GABRA2: variants seen among roughly 807,000 people sequenced by gnomAD.
GABRA2 encodes gamma-aminobutyric acid receptor subunit alpha-2.
A neutral mutation model predicts 48.7 loss-of-function variants in GABRA2; 16 were observed. The ratio of observed to expected loss-of-function variants is 0.33; its 90% CI spans 0.22 to 0.50. The LOEUF is 0.50. GABRA2 is among the 20% of genes least tolerant of loss of function. The pLI, the probability that GABRA2 is intolerant of heterozygous loss-of-function variation, is 0.98. For missense variants in GABRA2, 275 were observed against 535.6 expected (o/e 0.51, Z 4.80); for synonymous variants, 185 against 184.5 (o/e 1.00, Z -0.02).
chr4:46,346,582 GTATTA>G (rs2109881236), intron 3 of GABRA2, among the ~76,000 whole-genome samples: 1 of 148,702 alleles, frequency 6.7e-6, no homozygotes, highest in Admixed American at 6.7e-5. Context: ...GCATATTTAT[GTATTA>G]TATTTATTAT....
intron 8 of GABRA2, among the ~76,000 whole-genome samples, chr4:46,302,267 C>T (rs1299509047): frequency 6.6e-6 from 1 of 151,950 alleles, no homozygotes; most frequent in South Asian, 2.1e-4. Context: ...TGCTATATTG[C>T]CCAGACTGGT....
intron 9 of GABRA2, among the ~76,000 whole-genome samples, chr4:46,258,495 C>T (rs570290190): frequency 3.6e-4 from 55 of 151,810 alleles, no homozygotes. Context: ...CAAGCATTGT[C>T]AGTAAAACCC....
intron 3 of GABRA2, among the ~76,000 whole-genome samples, chr4:46,383,494 T>C (rs554721954): frequency 6.6e-6 from 1 of 152,326 alleles, no homozygotes; most frequent in East Asian, 1.9e-4. Flanking sequence ...GACCACAATA[T>C]GCAAATCAAT....
At chr4:46,287,776 T>C (rs1162622656) in intron 8 of GABRA2, among the ~76,000 whole-genome samples, 2 of 151,826 alleles carry the variant, frequency 1.3e-5, no homozygotes, top group East Asian at 1.9e-4. Context: ...ATTTAAAGTA[T>C]AATAATAATA....
At chr4:46,323,160 A>C (rs547522683) in intron 4 of GABRA2, among the ~76,000 whole-genome samples, 76 of 152,054 alleles carry the variant, frequency 5.0e-4, no homozygotes, top group African/African-American at 1.8e-3. Context: ...TTAAAGTATC[A>C]TTTGGGCATA....
intron 8 of GABRA2, among the ~76,000 whole-genome samples, chr4:46,281,642 C>T (rs558812008): frequency 6.6e-6 from 1 of 152,118 alleles, no homozygotes. Flanking sequence ...TGTGGCAGAC[C>T]TTGCCAGGAT....
chr4:46,310,340 G>C, intron 5 of GABRA2, 85 bp from the exon 6 acceptor site: 1 of 906,942 alleles, frequency 1.1e-6, no homozygotes, highest in Non-Finnish European at 1.8e-6. Context: ...AGACTCGATA[G>C]AGGTAGAGCA....
chr4:46,313,201 A>C (rs1317164441), intron 4 of GABRA2, among the ~76,000 whole-genome samples: 2 of 150,712 alleles, frequency 1.3e-5, no homozygotes, highest in African/African-American at 4.8e-5. Context: ...AGAAAAAATT[A>C]AAAAGAAAAA....
chr4:46,358,003 G>A (rs150305186), intron 3 of GABRA2, among the ~76,000 whole-genome samples: 126 of 152,142 alleles, frequency 8.3e-4, no homozygotes, highest in African/African-American at 2.7e-3. Flanking sequence ...AGGACATAAC[G>A]TTAGTATGAG....
chr4:46,273,537 G>A (rs200537046), intron 8 of GABRA2, among the ~76,000 whole-genome samples: 55 of 20,672 alleles, frequency 2.7e-3, no homozygotes, highest in African/African-American at 0.012. Context: ...ATATATATAT[G>A]AGAGAGAGAG....
intron 4 of GABRA2, among the ~76,000 whole-genome samples, chr4:46,322,338 G>A (rs1729596561): frequency 6.6e-6 from 1 of 151,870 alleles, no homozygotes; most frequent in Admixed American, 6.6e-5. Flanking sequence ...TCAGTCACCT[G>A]AATCTCTAAA....
At position 46,327,706 on chromosome 4, in the gene GABRA2, T is replaced by A. The variant is rs279845; in HGVS notation, c.255+4909A>T. Among the ~76,000 whole-genome samples the A allele has an allele frequency of 0.41, 62,005 of 151,836 alleles. 13,182 individuals are homozygous for A. The highest frequency in any genetic ancestry group is 0.56 in the East Asian group (2,875 of 5,132). ...ATTAATATCCCAGTAGCTTCTGGAG[T>A]TTCTAAGAGATAATGCACTCTGTGT... is the stretch of plus-strand genomic sequence containing the variant. On this transcript the variant is annotated intron_variant, in intron 4 of 9. Coordinates refer to ENST00000381620, the MANE Select transcript of GABRA2 (RefSeq NM_000807.4).
At chr4:46,336,111 A>T (rs1294351510) in intron 3 of GABRA2, among the ~76,000 whole-genome samples, 1 of 152,140 alleles carries the variant, frequency 6.6e-6, no homozygotes, top group Non-Finnish European at 1.5e-5. Context: ...GTTCACTATT[A>T]TGTCATGAGG....
At chr4:46,285,026 CAAA>C (rs201301399) in intron 8 of GABRA2, among the ~76,000 whole-genome samples, 4,304 of 118,452 alleles carry the variant, frequency 0.036, 139 homozygotes, top group South Asian at 0.14. Context: ...TGCTCACCCT[CAAA>C]AAAAAAAAAA....
At chr4:46,288,630 A>G (rs1170906223) in intron 8 of GABRA2, among the ~76,000 whole-genome samples, 1 of 152,226 alleles carries the variant, frequency 6.6e-6, no homozygotes, top group Non-Finnish European at 1.5e-5. Flanking sequence ...AATCTAGGTA[A>G]TACCATTCTG....
At chr4:46,376,273 A>G (rs542712205) in intron 3 of GABRA2, among the ~76,000 whole-genome samples, 46 of 152,356 alleles carry the variant, frequency 3.0e-4, no homozygotes, top group African/African-American at 1.1e-3. Flanking sequence ...CACTACCAAT[A>G]TAGATTTCTA....
At chr4:46,317,336 T>A (rs1477566859) in intron 4 of GABRA2, among the ~76,000 whole-genome samples, 1 of 151,880 alleles carries the variant, frequency 6.6e-6, no homozygotes, top group Non-Finnish European at 1.5e-5. Flanking sequence ...GTAAAGTGTG[T>A]GTATCCATTT....
At position 46,247,765 on chromosome 4, in the gene GABRA2, G is replaced by A. The variant is rs530467914; in HGVS notation, c.*2543C>T. On this transcript the variant is annotated 3_prime_UTR_variant, in exon 10 of 10. Transcript: ENST00000381620. ...TCATGGAAAGGATTATAATTGTTAC[G>A]AATCTTGTTCTATAATTTAAAAGCA... Among the ~76,000 whole-genome samples the A allele has an allele frequency of 4.0e-5, 6 of 151,014 alleles. No individual in the cohort carries two copies. Among genetic ancestry groups the A allele is most frequent in the Admixed American group, 1.3e-4 (2 of 15,066 alleles).
chr4:46,358,938 A>C (rs576511082), intron 3 of GABRA2, among the ~76,000 whole-genome samples: 1 of 152,342 alleles, frequency 6.6e-6, no homozygotes, highest in East Asian at 1.9e-4. Context: ...TTACCTTCAC[A>C]GGTAATGGAT....
Sources: gnomAD v4.1 joint callset for allele counts (sites outside exome capture counted in the v4.1 genomes callset) on GRCh38, gnomAD v4.1.1 for gene constraint, MANE v1.5 for transcripts, NCBI Gene and HGNC (gene_info 2026-07-23, HGNC 2026-07-21) for gene names.